CCDC91: variants seen among roughly 807,000 people sequenced by gnomAD.
The protein encoded by CCDC91 is coiled-coil domain-containing protein 91.
In CCDC91, 48 loss-of-function variants were observed where a neutral mutation model predicts 63.2. That is an observed-to-expected ratio of 0.76 (90% CI 0.60 to 0.97). The LOEUF (loss-of-function observed/expected upper bound fraction) is 0.97. CCDC91 is among the 50% of genes least tolerant of loss of function. The pLI, the probability that CCDC91 is intolerant of heterozygous loss-of-function variation, is 0.00. For missense variants in CCDC91, 500 were observed against 494.6 expected, an observed-to-expected ratio of 1.01 and a Z score of -0.10; for synonymous variants, 167 against 165.8, an observed-to-expected ratio of 1.01 and a Z score of -0.06.
chr12:28,471,370 C>A (rs1448821354), intron 11 of CCDC91, among the ~76,000 whole-genome samples: 9 of 152,040 alleles, frequency 5.9e-5, no homozygotes, highest in Non-Finnish European at 1.3e-4. Context: ...AACTAGATAT[C>A]GAAACTTTTA....
In CCDC91 at chr12:28,357,274, G is replaced by A. The variant is rs529569695; in HGVS notation, c.577-5164G>A. 2.0e-5 allele frequency among the ~76,000 whole-genome samples: 3 copies of A among 152,250 alleles called. No individual in the cohort carries two copies. The East Asian group carries it at 5.8e-4, about 29-fold the overall frequency. On this transcript the variant is annotated intron_variant, in intron 6 of 12. Coordinates refer to ENST00000536442, the MANE Select transcript of CCDC91 (RefSeq NM_018318.5). ...CTCATCATGTCCAGGCATATTAAGA[G>A]TATGAAACTTAGGTATATTTAATCA...
rs377763452 is a variant in CCDC91 at position 28,245,305 on chromosome 12, A to G, written c.-14-11897A>G. Reference sequence around the variant, plus strand: ...TATTGTATAATAAATGTAATCAGGAAAAATGATCCATATCAGGAAAAAAAA... The same window carrying G: ...TATTGTATAATAAATGTAATCAGGAGAAATGATCCATATCAGGAAAAAAAA... On this transcript the variant is annotated intron_variant, in intron 1 of 12. Transcript: ENST00000536442. 5.3e-5 allele frequency among the ~76,000 whole-genome samples: 8 copies of G among 152,280 alleles called. No homozygotes were observed. The South Asian group carries it at 8.3e-4, about 16-fold the overall frequency.
intron 1 of CCDC91, among the ~76,000 whole-genome samples, chr12:28,245,708 T>A (rs1213074031): frequency 6.6e-6 from 1 of 152,140 alleles, no homozygotes; most frequent in Admixed American, 6.5e-5. Flanking sequence ...TCATTGATAA[T>A]CATATGAAGA....
At chr12:28,239,128 A>G (rs1281710507) in intron 1 of CCDC91, among the ~76,000 whole-genome samples, 1 of 151,944 alleles carries the variant, frequency 6.6e-6, no homozygotes, top group Non-Finnish European at 1.5e-5. Context: ...TCGGAAAAAA[A>G]AAAAAAATAT....
At chr12:28,319,103 T>A (rs1282179156) in intron 6 of CCDC91, among the ~76,000 whole-genome samples, 1 of 152,012 alleles carries the variant, frequency 6.6e-6, no homozygotes, top group Non-Finnish European at 1.5e-5. Flanking sequence ...AAATGTTTTT[T>A]AAGGTATTTA....
intron 1 of CCDC91, among the ~76,000 whole-genome samples, chr12:28,215,468 A>C (rs1276461334): frequency 6.6e-6 from 1 of 152,194 alleles, no homozygotes; most frequent in Non-Finnish European, 1.5e-5. Flanking sequence ...TATAACCAAC[A>C]GTTTGTGGTT....
intron 12 of CCDC91, among the ~76,000 whole-genome samples, chr12:28,522,317 A>T (rs1191478906): frequency 6.6e-6 from 1 of 152,160 alleles, no homozygotes; most frequent in African/African-American, 2.4e-5. Flanking sequence ...GTATGTGTCG[A>T]GGAATTTATC....
At chr12:28,439,722 C>T (rs1213349215) in intron 8 of CCDC91, among the ~76,000 whole-genome samples, 17 of 139,890 alleles carry the variant, frequency 1.2e-4, no homozygotes, top group Non-Finnish European at 1.3e-4. Flanking sequence ...TTTTTTTTTT[C>T]TTTCTTTTTT....
chr12:28,278,087 GCT>G (rs1344747420), intron 3 of CCDC91, among the ~76,000 whole-genome samples: 1 of 151,992 alleles, frequency 6.6e-6, no homozygotes, highest in Non-Finnish European at 1.5e-5. Flanking sequence ...AGTTTAAATG[GCT>G]CTTTCTCTAC....
intron 3 of CCDC91, among the ~76,000 whole-genome samples, chr12:28,297,815 AT>A (rs1479161890): frequency 4.0e-5 from 6 of 151,846 alleles, no homozygotes; most frequent in Non-Finnish European, 4.4e-5. Flanking sequence ...GTGAGAAGAT[AT>A]TTATATTTTA....
chr12:28,205,316 T>C (rs939198807), intron 1 of CCDC91, among the ~76,000 whole-genome samples: 1 of 151,950 alleles, frequency 6.6e-6, no homozygotes, highest in Non-Finnish European at 1.5e-5. Context: ...AAGTCATTTA[T>C]AGATACTGGT....
At chr12:28,392,405 C>T (rs1002558492) in intron 8 of CCDC91, among the ~76,000 whole-genome samples, 2 of 152,150 alleles carry the variant, frequency 1.3e-5, no homozygotes, top group African/African-American at 2.4e-5. Context: ...TCATGTTGTC[C>T]TCACCCTGGG....
chr12:28,201,993 G>A (rs1591969941), intron 1 of CCDC91, among the ~76,000 whole-genome samples: 1 of 152,106 alleles, frequency 6.6e-6, no homozygotes, highest in East Asian at 1.9e-4. Flanking sequence ...GTCCAGCTTC[G>A]GCTCGGCATC....
At chr12:28,374,438 T>G (rs1944819878) in intron 7 of CCDC91, among the ~76,000 whole-genome samples, 2 of 152,178 alleles carry the variant, frequency 1.3e-5, no homozygotes, top group Admixed American at 6.6e-5. Context: ...ATTTCATGAG[T>G]TTCAGAATAT....
intron 3 of CCDC91, among the ~76,000 whole-genome samples, chr12:28,287,280 C>T (rs1010956071): frequency 2.6e-5 from 4 of 152,108 alleles, no homozygotes; most frequent in African/African-American, 9.7e-5. Context: ...GAACACTTTG[C>T]CTGTTCCTGT....
chr12:28,544,664 A>T (rs1037999218), intron 12 of CCDC91, among the ~76,000 whole-genome samples: 1 of 152,042 alleles, frequency 6.6e-6, no homozygotes. Flanking sequence ...AATGAATTAT[A>T]TCTTTTTGGA....
intron 6 of CCDC91, among the ~76,000 whole-genome samples, chr12:28,357,397 G>A (rs1436585367): frequency 6.6e-6 from 1 of 152,074 alleles, no homozygotes; most frequent in Non-Finnish European, 1.5e-5. Flanking sequence ...CTTTGCATCA[G>A]TTTTTCAGAC....
intron 11 of CCDC91, among the ~76,000 whole-genome samples, chr12:28,457,951 C>CA (rs1273217702): frequency 1.4e-4 from 22 of 152,046 alleles, no homozygotes; most frequent in Admixed American, 3.3e-4. Flanking sequence ...CACAGACACT[C>CA]AAACTATGTC....
chr12:28,304,631 C>T (rs1938511355), intron 3 of CCDC91: 2 of 1,260,830 alleles, frequency 1.6e-6, no homozygotes, highest in African/African-American at 1.5e-5. Context: ...TTCAGGGAAA[C>T]ATGCAATTTT....
Sources: gnomAD v4.1 joint callset for allele counts (sites outside exome capture counted in the v4.1 genomes callset) on GRCh38, gnomAD v4.1.1 for gene constraint, MANE v1.5 for transcripts, NCBI Gene and HGNC (gene_info 2026-07-23, HGNC 2026-07-21) for gene names.